ARHGAP15: variants seen among roughly 807,000 people sequenced by gnomAD.
ARHGAP15 encodes rho GTPase-activating protein 15.
ARHGAP15 carries 51 observed loss-of-function variants against 63.7 expected under a neutral mutation model. The observed-to-expected ratio is 0.80, with a 90% CI of 0.64 to 1.01. The LOEUF (loss-of-function observed/expected upper bound fraction) is 1.01, where lower values mean the gene tolerates loss of function less well. Among genes scored for constraint, ARHGAP15 ranks in the 50% least tolerant of loss-of-function variants. The probability of loss-of-function intolerance (pLI) is 0.00; values close to 1 mark genes in which losing one functional copy is unlikely to be tolerated. For synonymous variants in ARHGAP15, 191 were observed against 193.8 expected (o/e 0.99, Z 0.12); for missense variants, 560 against 564.6 (o/e 0.99, Z 0.08).
intron 11 of ARHGAP15, among the ~76,000 whole-genome samples, chr2:143,571,479 C>T (rs929868848): frequency 1.3e-5 from 2 of 152,148 alleles, no homozygotes; most frequent in African/African-American, 2.4e-5. Flanking sequence ...TTTCTTCATT[C>T]AGCTGAGATT....
At chr2:143,300,954 C>T (rs1682865490) in intron 6 of ARHGAP15, among the ~76,000 whole-genome samples, 1 of 151,906 alleles carries the variant, frequency 6.6e-6, no homozygotes, top group African/African-American at 2.4e-5. Context: ...TTAATGAATA[C>T]CTTAATGTGT....
chr2:143,450,414 A>C (rs1690355811), intron 8 of ARHGAP15, among the ~76,000 whole-genome samples: 1 of 151,894 alleles, frequency 6.6e-6, no homozygotes, highest in Admixed American at 6.6e-5. Context: ...TTATTTTCTT[A>C]AGTCTTACAA....
At chr2:143,407,845 C>T (rs1455425484) in intron 6 of ARHGAP15, among the ~76,000 whole-genome samples, 1 of 150,362 alleles carries the variant, frequency 6.7e-6, no homozygotes, top group Non-Finnish European at 1.5e-5. Flanking sequence ...ATTATCTTTT[C>T]CTTTACCATT....
intron 6 of ARHGAP15, among the ~76,000 whole-genome samples, chr2:143,285,760 C>G (rs1204456660): frequency 6.6e-6 from 1 of 152,126 alleles, no homozygotes; most frequent in African/African-American, 2.4e-5. Context: ...AGAGTGAGAT[C>G]TACATATTCC....
Position 143,703,518 on chromosome 2 carries a change from T to C in ARHGAP15, c.1238T>C (p.Leu413Pro). 6.2e-7 allele frequency: 1 copy of C among 1,604,614 alleles called. No homozygotes were observed. The highest frequency in any genetic ancestry group is 1.7e-5 in the Admixed American group (1 of 58,568). ...RDTMKVLFGHLTKIVAKASKN... is the reference protein window; with the variant it reads ...RDTMKVLFGHPTKIVAKASKN... ...ACCATGAAAGTCCTCTTTGGACATC[T>C]AACTAAGTAAGTTGTAAGGATTTCT... The change falls in exon 13 of 14, where the codon CTA (leucine) becomes CCA (proline). Residue 413 changes from leucine to proline, a missense_variant. Physicochemically the swap from Leu to Pro is moderately conservative, Grantham distance 98. Transcript: ENST00000295095.
intron 5 of ARHGAP15, among the ~76,000 whole-genome samples, chr2:143,234,831 G>A (rs1012275924): frequency 2.6e-5 from 4 of 152,072 alleles, no homozygotes; most frequent in Admixed American, 2.6e-4. Flanking sequence ...GTGTTACTTT[G>A]ATATTCAGCT....
Position 143,655,647 on chromosome 2 carries a change from G to A in ARHGAP15, c.1138+31380G>A, listed in dbSNP as rs190036495. On this transcript the variant is annotated intron_variant, in intron 12 of 13. Transcript: ENST00000295095. The stretch of plus-strand genomic sequence containing the variant: ...GTATATTACAGCCTTACTAAACTAG[G>A]TAACTGCCTGGTGGTATGAAGGACT... 2.4e-3 allele frequency among the ~76,000 whole-genome samples: 370 copies of A among 152,250 alleles called. 2 individuals carry two copies. Among genetic ancestry groups the A allele is most frequent in the African/African-American group, 8.5e-3 (352 of 41,548 alleles).
At chr2:143,671,472 A>C (rs1248698356) in intron 12 of ARHGAP15, among the ~76,000 whole-genome samples, 1 of 152,178 alleles carries the variant, frequency 6.6e-6, no homozygotes, top group Non-Finnish European at 1.5e-5. Context: ...GATTTGACTA[A>C]AGAACTTCAT....
chr2:143,342,626 A>T (rs1165066999), intron 6 of ARHGAP15, among the ~76,000 whole-genome samples: 1 of 152,076 alleles, frequency 6.6e-6, no homozygotes, highest in African/African-American at 2.4e-5. Context: ...AATAAATTAT[A>T]ACATCCCACC....
intron 6 of ARHGAP15, among the ~76,000 whole-genome samples, chr2:143,288,454 T>C (rs1359167413): frequency 1.3e-5 from 2 of 152,112 alleles, no homozygotes; most frequent in Non-Finnish European, 2.9e-5. Flanking sequence ...TGAAAAAAAA[T>C]AGTGTTGCAC....
At chr2:143,736,142 G>C (rs1490971100) in intron 13 of ARHGAP15, among the ~76,000 whole-genome samples, 1 of 152,136 alleles carries the variant, frequency 6.6e-6, no homozygotes, top group Non-Finnish European at 1.5e-5. Flanking sequence ...ACTTTGGGAG[G>C]CCGAGGTGGG....
chr2:143,590,783 G>A (rs1181227611), intron 11 of ARHGAP15, among the ~76,000 whole-genome samples: 1 of 152,128 alleles, frequency 6.6e-6, no homozygotes, highest in Non-Finnish European at 1.5e-5. Flanking sequence ...GCCTTCACTA[G>A]ATGTTGTTCC....
At chr2:143,589,271 T>C (rs887071091) in intron 11 of ARHGAP15, among the ~76,000 whole-genome samples, 8 of 152,360 alleles carry the variant, frequency 5.3e-5, no homozygotes, top group Admixed American at 5.2e-4. Flanking sequence ...ATCTACTTCT[T>C]CTCCATGTAC....
intron 13 of ARHGAP15, 141 bp from the exon 14 acceptor site, chr2:143,767,848 A>G (rs2072972305): frequency 1.2e-6 from 1 of 810,366 alleles, no homozygotes; most frequent in East Asian, 2.6e-5. Context: ...TCCATACAGT[A>G]AAGTATGTAG....
intron 6 of ARHGAP15, among the ~76,000 whole-genome samples, chr2:143,341,925 G>C (rs1310404133): frequency 6.6e-6 from 1 of 152,072 alleles, no homozygotes; most frequent in East Asian, 1.9e-4. Flanking sequence ...CTTTCAGTTA[G>C]ATGATATAAA....
At chr2:143,229,020 T>A (rs1693334185) in intron 5 of ARHGAP15, among the ~76,000 whole-genome samples, 1 of 152,220 alleles carries the variant, frequency 6.6e-6, no homozygotes. Flanking sequence ...TTATAAAGTA[T>A]GTTATAAAAT....
At chr2:143,231,059 G>A (rs935917359) in intron 5 of ARHGAP15, among the ~76,000 whole-genome samples, 1 of 127,374 alleles carries the variant, frequency 7.9e-6, no homozygotes, top group Non-Finnish European at 1.7e-5. Flanking sequence ...GACTCTAGGG[G>A]ATGTAATTCC....
Position 143,322,164 on chromosome 2 carries a change from C to T in ARHGAP15, c.474+71564C>T, listed in dbSNP as rs185553668. Among the ~76,000 whole-genome samples the T allele has an allele frequency of 1.4e-4, 21 of 152,290 alleles. No homozygotes were observed. In the South Asian group the frequency reaches 3.3e-3, roughly 24 times the overall value. The stretch of plus-strand genomic sequence containing the variant: ...GAGGCCGCTCAACCACTCCCTGCCA[C>T]GCCCAACTGCAGATCTGTATCAGAG... On this transcript the variant is annotated intron_variant, in intron 6 of 13. Coordinates refer to ENST00000295095, the MANE Select transcript of ARHGAP15 (RefSeq NM_018460.4).
intron 6 of ARHGAP15, among the ~76,000 whole-genome samples, chr2:143,431,793 T>C (rs1689400514): frequency 6.6e-6 from 1 of 152,076 alleles, no homozygotes; most frequent in South Asian, 2.1e-4. Flanking sequence ...TCAGTCATTG[T>C]TAATGATTAG....
Sources: gnomAD v4.1 joint callset for allele counts (sites outside exome capture counted in the v4.1 genomes callset) on GRCh38, gnomAD v4.1.1 for gene constraint, MANE v1.5 for transcripts, NCBI Gene and HGNC (gene_info 2026-07-23, HGNC 2026-07-21) for gene names.